GPC6: variants seen among roughly 807,000 people sequenced by gnomAD.
The protein encoded by GPC6 is glypican 6.
GPC6 carries 14 observed loss-of-function variants against 55.2 expected under a neutral mutation model. That is an observed-to-expected ratio of 0.25 (90% confidence interval 0.17 to 0.40). The LOEUF (loss-of-function observed/expected upper bound fraction) is 0.40, where lower values mean the gene tolerates loss of function less well. Ranked by LOEUF, GPC6 falls within the 10% of genes least tolerant of loss-of-function variation. The pLI is 1.00. For missense variants in GPC6, 641 were observed against 708.5 expected (o/e 0.90, Z 1.08); for synonymous variants, 278 against 259.6 (o/e 1.07, Z -0.68).
intron 2 of GPC6, among the ~76,000 whole-genome samples, chr13:93,667,041 A>C (rs555942439): frequency 6.6e-6 from 1 of 152,304 alleles, no homozygotes; most frequent in African/African-American, 2.4e-5. Context: ...GAAATAGTTT[A>C]CATGTGTTCA....
At chr13:93,528,832 G>A (rs1024788244) in intron 1 of GPC6, among the ~76,000 whole-genome samples, 10 of 152,148 alleles carry the variant, frequency 6.6e-5, no homozygotes, top group Non-Finnish European at 2.9e-5. Context: ...AGAAACAGTG[G>A]TTGAGATGTA....
At chr13:93,509,067 T>A (rs1000207681) in intron 1 of GPC6, among the ~76,000 whole-genome samples, 10 of 152,264 alleles carry the variant, frequency 6.6e-5, no homozygotes, top group African/African-American at 2.4e-4. Context: ...AGGGAAGCAG[T>A]GGTTCCAGTG....
intron 2 of GPC6, among the ~76,000 whole-genome samples, chr13:93,729,469 T>A (rs1376284055): frequency 6.6e-6 from 1 of 152,146 alleles, no homozygotes; most frequent in Non-Finnish European, 1.5e-5. Context: ...ATGAGAGAAG[T>A]ATCAATGAAA....
chr13:94,177,243 A>T (rs9524350), intron 4 of GPC6, among the ~76,000 whole-genome samples: 115,858 of 152,064 alleles, frequency 0.76, 45,691 homozygotes, highest in Middle Eastern at 0.88. Context: ...GGTAAACATC[A>T]TGAGAAAAGT....
intron 4 of GPC6, among the ~76,000 whole-genome samples, chr13:94,213,008 T>C (rs1890124423): frequency 6.6e-6 from 1 of 151,968 alleles, no homozygotes; most frequent in Non-Finnish European, 1.5e-5. Context: ...ATACAAAAAT[T>C]AGCCGAGCGT....
At chr13:93,808,715 A>T (rs964783125) in intron 2 of GPC6, among the ~76,000 whole-genome samples, 3 of 152,256 alleles carry the variant, frequency 2.0e-5, no homozygotes, top group Non-Finnish European at 4.4e-5. Flanking sequence ...AGTTCACTCT[A>T]CAGATAGTTA....
chr13:94,287,197 A>G (rs1001762687), intron 5 of GPC6, among the ~76,000 whole-genome samples: 21 of 152,174 alleles, frequency 1.4e-4, no homozygotes, highest in South Asian at 6.2e-4. Flanking sequence ...TTTCTCTCCC[A>G]TAGTGATGAC....
chr13:93,795,194 T>TA (rs142132611), intron 2 of GPC6, among the ~76,000 whole-genome samples: 1 of 152,080 alleles, frequency 6.6e-6, no homozygotes, highest in African/African-American at 2.4e-5. Context: ...ATATGTAGGG[T>TA]AAAAAAAGAT....
chr13:93,637,444 C>A (rs1404437669), intron 2 of GPC6, among the ~76,000 whole-genome samples: 2 of 152,104 alleles, frequency 1.3e-5, no homozygotes, highest in East Asian at 3.9e-4. Context: ...CAGACTAATT[C>A]AAATCAACTC....
At chr13:93,780,113 A>C (rs1006173852) in intron 2 of GPC6, among the ~76,000 whole-genome samples, 4 of 152,190 alleles carry the variant, frequency 2.6e-5, no homozygotes, top group African/African-American at 9.7e-5. Flanking sequence ...TATACATGAA[A>C]GTCATTAAGA....
intron 2 of GPC6, among the ~76,000 whole-genome samples, chr13:93,827,019 G>A (rs183518292): frequency 3.9e-5 from 6 of 152,236 alleles, no homozygotes; most frequent in Non-Finnish European, 7.4e-5. Flanking sequence ...AAGGTTTTTT[G>A]TGCACCTATG....
intron 2 of GPC6, among the ~76,000 whole-genome samples, chr13:93,680,938 G>C (rs1349311104): frequency 2.0e-5 from 3 of 152,138 alleles, no homozygotes; most frequent in Non-Finnish European, 4.4e-5. Context: ...GGCTAGGAAG[G>C]GTACCAGACT....
chr13:94,205,603 A>T (rs1208420887), intron 4 of GPC6, among the ~76,000 whole-genome samples: 1 of 152,202 alleles, frequency 6.6e-6, no homozygotes, highest in Admixed American at 6.5e-5. Flanking sequence ...TGCCTTGCAA[A>T]GCAGAGATGT....
chr13:93,834,228 T>A (rs1887648465), intron 3 of GPC6, among the ~76,000 whole-genome samples: 1 of 152,130 alleles, frequency 6.6e-6, no homozygotes, highest in Non-Finnish European at 1.5e-5. Context: ...AGTAGAAACG[T>A]CACAAATGGC....
intron 3 of GPC6, among the ~76,000 whole-genome samples, chr13:94,000,698 T>C (rs1474865381): frequency 6.6e-6 from 1 of 152,110 alleles, no homozygotes; most frequent in Non-Finnish European, 1.5e-5. Context: ...ATGAATTCAG[T>C]TATTATAAAA....
intron 4 of GPC6, among the ~76,000 whole-genome samples, chr13:94,180,380 A>C (rs9524356): frequency 0.099 from 15,082 of 152,218 alleles, 929 homozygotes; most frequent in East Asian, 0.19. Flanking sequence ...AGTGGTATCC[A>C]TTTATATTTG....
At chr13:94,252,415 A>G (rs575634162) in intron 4 of GPC6, among the ~76,000 whole-genome samples, 25 of 152,228 alleles carry the variant, frequency 1.6e-4, no homozygotes, top group African/African-American at 6.0e-4. Flanking sequence ...TGGCTCTCAT[A>G]TTTATTTTGT....
chr13:93,598,655 C>A (rs1877875839), intron 2 of GPC6, among the ~76,000 whole-genome samples: 1 of 152,100 alleles, frequency 6.6e-6, no homozygotes, highest in Admixed American at 6.5e-5. Flanking sequence ...AGGCTTAAAG[C>A]AAATGTGACT....
intron 2 of GPC6, among the ~76,000 whole-genome samples, chr13:93,739,757 T>G (rs930242534): frequency 2.0e-5 from 3 of 152,344 alleles, no homozygotes; most frequent in Non-Finnish European, 4.4e-5. Flanking sequence ...GTCCATTGTA[T>G]GTCAGGCCCT....
Sources: allele counts gnomAD v4.1 joint callset (sites outside exome capture counted in the v4.1 genomes callset), GRCh38; gene constraint gnomAD v4.1.1; transcripts MANE v1.5; gene names NCBI Gene and HGNC (gene_info 2026-07-23, HGNC 2026-07-21).